The following CDK14 variants were observed in gnomAD, a reference collection of about 807,000 sequenced individuals.
The protein encoded by CDK14 is cyclin-dependent kinase 14.
Under a neutral mutation model 60.7 loss-of-function variants are expected in CDK14, and 34 were observed. The observed-to-expected ratio is 0.56, with a 90% confidence interval of 0.43 to 0.75. CDK14 has a LOEUF of 0.75. CDK14 is among the 30% of genes least tolerant of loss of function. The pLI is 0.00. For synonymous variants in CDK14, 197 were observed against 203.7 expected (o/e 0.97, Z 0.28); for missense variants, 482 against 564.1 (o/e 0.85, Z 1.47).
At chr7:90,748,389 C>T (rs1165274929) in intron 4 of CDK14, among the ~76,000 whole-genome samples, 2 of 152,134 alleles carry the variant, frequency 1.3e-5, no homozygotes, top group African/African-American at 4.8e-5. Flanking sequence ...TGATTGACCT[C>T]CTTACTCTCC....
At chr7:90,796,726 A>C (rs540949432) in intron 5 of CDK14, among the ~76,000 whole-genome samples, 1 of 150,532 alleles carries the variant, frequency 6.6e-6, no homozygotes, top group South Asian at 2.1e-4. Flanking sequence ...ATTTTGGAGT[A>C]ATCAATTTGG....
At chr7:90,822,762 A>G (rs1192818340) in intron 5 of CDK14, among the ~76,000 whole-genome samples, 1 of 152,228 alleles carries the variant, frequency 6.6e-6, no homozygotes, top group East Asian at 1.9e-4. Flanking sequence ...TGTTGCAAAG[A>G]TGGACAAAAC....
chr7:90,806,216 T>C (rs1006323720), intron 5 of CDK14, among the ~76,000 whole-genome samples: 1 of 152,100 alleles, frequency 6.6e-6, no homozygotes, highest in Non-Finnish European at 1.5e-5. Context: ...TTTGTGCCCT[T>C]GGATTACACA....
At chr7:90,759,800 TTTGTTCTGCTTCTAGAA>T (rs1305406542) in intron 4 of CDK14, among the ~76,000 whole-genome samples, 1 of 152,216 alleles carries the variant, frequency 6.6e-6, no homozygotes, top group Non-Finnish European at 1.5e-5. Flanking sequence ...CAGCTTGCTC[TTTGTTCTGCTTCTAGAA>T]TTGGAGTATT....
At chr7:90,598,793 C>T (rs1799252594) in intron 1 of CDK14, among the ~76,000 whole-genome samples, 1 of 139,514 alleles carries the variant, frequency 7.2e-6, no homozygotes, top group Admixed American at 7.5e-5. Context: ...CAAGCTCCGC[C>T]TCCCGGGTTC....
chr7:90,778,561 C>G (rs1805149962), intron 4 of CDK14, among the ~76,000 whole-genome samples: 1 of 152,148 alleles, frequency 6.6e-6, no homozygotes, highest in Non-Finnish European at 1.5e-5. Context: ...TTCTTAAGAT[C>G]TTTCAGTGTT....
At chr7:91,063,965 T>C (rs878885967) in intron 11 of CDK14, among the ~76,000 whole-genome samples, 4 of 152,154 alleles carry the variant, frequency 2.6e-5, no homozygotes, top group Admixed American at 1.3e-4. Flanking sequence ...ACATTCCTAG[T>C]AACTATGAAG....
chr7:90,911,802 T>C (rs1792910921), intron 7 of CDK14, among the ~76,000 whole-genome samples: 2 of 152,190 alleles, frequency 1.3e-5, no homozygotes, highest in Non-Finnish European at 1.5e-5. Flanking sequence ...CAACTTACTT[T>C]AAAAGTTGTG....
chr7:91,131,424 C>G (rs1331694080), intron 14 of CDK14, among the ~76,000 whole-genome samples: 1 of 152,074 alleles, frequency 6.6e-6, no homozygotes, highest in African/African-American at 2.4e-5. Flanking sequence ...AACGTGATAT[C>G]CAGGATGTAA....
At chr7:90,616,026 A>G (rs1355442886) in intron 2 of CDK14, among the ~76,000 whole-genome samples, 1 of 152,188 alleles carries the variant, frequency 6.6e-6, no homozygotes, top group Non-Finnish European at 1.5e-5. Context: ...TATTGGTACA[A>G]TCATATGCAA....
chr7:91,194,063 G>C lies in CDK14; in HGVS notation c.*29-13102G>C, dbSNP rs560892552. ...TCCTATCCATACCACATCCCAGAGA[G>C]CTAAAGAAGGAGTGGCTTTGTTCTC... On this transcript the variant is annotated intron_variant, in intron 14 of 14. Coordinates refer to ENST00000380050, the MANE Select transcript of CDK14 (RefSeq NM_001287135.2). Among the ~76,000 whole-genome samples, 12 of 152,272 alleles carry C rather than the reference G, an allele frequency of 7.9e-5. No homozygotes were observed. The South Asian group carries it at 8.3e-4, about 11-fold the overall frequency.
chr7:90,844,382 T>A (rs1167911145), intron 5 of CDK14, among the ~76,000 whole-genome samples: 2 of 152,208 alleles, frequency 1.3e-5, no homozygotes. Context: ...TTTGGCCTAA[T>A]GATATATAAG....
rs1804996041 is a variant in CDK14 at position 90,775,625 on chromosome 7, C to CCCCTCCCCCTTCCCCTCCCCCTT, written c.465-14945_465-14944insTCCCCCTTCCCCTCCCCCTTCCC. On this transcript the variant is annotated intron_variant, in intron 4 of 14. Coordinates refer to ENST00000380050, the MANE Select transcript of CDK14 (RefSeq NM_001287135.2). ...GAGAAAAACGAAAATACCTCCTCCT[C>CCCCTCCCCCTTCCCCTCCCCCTT]CCCCTCCCCCTTCCCCTCCCCCTTC... 1.4e-3 allele frequency among the ~76,000 whole-genome samples: 70 copies of CCCCTCCCCCTTCCCCTCCCCCTT among 49,610 alleles called. 1 individual carries two copies. Among genetic ancestry groups the CCCCTCCCCCTTCCCCTCCCCCTT allele is most frequent in the African/African-American group, 4.7e-3 (61 of 12,868 alleles). 32.5% of individuals were successfully genotyped at this position (49,610 alleles called of 152,430 possible).
At chr7:90,741,512 C>G (rs1186325803) in intron 3 of CDK14, among the ~76,000 whole-genome samples, 1 of 152,026 alleles carries the variant, frequency 6.6e-6, no homozygotes, top group Admixed American at 6.5e-5. Context: ...AACCATTGAG[C>G]CTTTAGGATA....
chr7:90,776,839 A>G (rs1805067092), intron 4 of CDK14, among the ~76,000 whole-genome samples: 1 of 152,308 alleles, frequency 6.6e-6, no homozygotes, highest in East Asian at 1.9e-4. Flanking sequence ...TTGGAGAGGC[A>G]TTAGCAGTCT....
At chr7:90,974,117 A>G (rs551565233) in intron 9 of CDK14, among the ~76,000 whole-genome samples, 1 of 152,286 alleles carries the variant, frequency 6.6e-6, no homozygotes, top group East Asian at 1.9e-4. Context: ...TTTCTGGGAA[A>G]AGAATTCAGT....
At chr7:90,611,917 C>T (rs1026296771) in intron 2 of CDK14, among the ~76,000 whole-genome samples, 15 of 150,790 alleles carry the variant, frequency 9.9e-5, no homozygotes, top group Non-Finnish European at 1.9e-4. Flanking sequence ...ACTGCAACCT[C>T]CACCTCCAGG....
chr7:90,645,647 A>G (rs1800449084), intron 2 of CDK14, among the ~76,000 whole-genome samples: 1 of 152,196 alleles, frequency 6.6e-6, no homozygotes, highest in Non-Finnish European at 1.5e-5. Flanking sequence ...TTTTAAAAGT[A>G]GGTCCTACTA....
At chr7:91,187,631 G>A (rs971337923) in intron 14 of CDK14, among the ~76,000 whole-genome samples, 2 of 152,122 alleles carry the variant, frequency 1.3e-5, no homozygotes, top group Non-Finnish European at 2.9e-5. Context: ...TTTAGGAGTG[G>A]AGGTTTAATA....
Sources: gnomAD v4.1 joint callset for allele counts (sites outside exome capture counted in the v4.1 genomes callset) on GRCh38, gnomAD v4.1.1 for gene constraint, MANE v1.5 for transcripts, NCBI Gene and HGNC (gene_info 2026-07-23, HGNC 2026-07-21) for gene names.